Variants in PTPRD observed in about 807,000 individuals in gnomAD.
The protein encoded by PTPRD is protein tyrosine phosphatase receptor type D.
In PTPRD, 34 loss-of-function variants were observed where a neutral mutation model predicts 214.5. The observed-to-expected ratio is 0.16, with a 90% CI of 0.12 to 0.21. PTPRD has a LOEUF of 0.21. Among genes scored for constraint, PTPRD ranks in the 10% least tolerant of loss-of-function variants. The pLI, the probability that PTPRD is intolerant of heterozygous loss-of-function variation, is 1.00. For synonymous variants in PTPRD, 1,128 were observed against 845.7 expected, an observed-to-expected ratio of 1.33 and a Z score of -5.79; for missense variants, 2,545 against 2,398.7, an observed-to-expected ratio of 1.06 and a Z score of -1.27.
chr9:9,492,840 C>A (rs1569568779), intron 8 of PTPRD, among the ~76,000 whole-genome samples: 1 of 150,604 alleles, frequency 6.6e-6, no homozygotes, highest in Non-Finnish European at 1.5e-5. Context: ...GTAATTTTTG[C>A]AATAATTTAA....
chr9:9,838,532 T>C (rs989022779), intron 5 of PTPRD, among the ~76,000 whole-genome samples: 3 of 152,166 alleles, frequency 2.0e-5, no homozygotes, highest in African/African-American at 4.8e-5. Flanking sequence ...ATGGTGAGCA[T>C]TTTTTCATGT....
chr9:9,551,622 A>C (rs1351365396), intron 8 of PTPRD, among the ~76,000 whole-genome samples: 2 of 152,002 alleles, frequency 1.3e-5, no homozygotes, highest in African/African-American at 4.8e-5. Flanking sequence ...TATGGTTCTC[A>C]GTACATCCTT....
chr9:9,186,631 CCTCT>C (rs141616035), intron 9 of PTPRD, among the ~76,000 whole-genome samples: 49,671 of 140,642 alleles, frequency 0.35, 8,618 homozygotes, highest in Middle Eastern at 0.43. Context: ...TCTGTCTCTC[CCTCT>C]CTCTCTCTCT....
chr9:10,024,975 G>A (rs1047782250), intron 4 of PTPRD, among the ~76,000 whole-genome samples: 2 of 151,532 alleles, frequency 1.3e-5, no homozygotes, highest in African/African-American at 4.9e-5. Context: ...ATTTTTTATG[G>A]ATGCATAGTA....
At chr9:8,703,094 G>C (rs1019802827) in intron 12 of PTPRD, among the ~76,000 whole-genome samples, 1 of 152,176 alleles carries the variant, frequency 6.6e-6, no homozygotes, top group Non-Finnish European at 1.5e-5. Context: ...AGAAGAGCTG[G>C]TCAGATACCA....
At chr9:9,131,062 G>C (rs563142045) in intron 10 of PTPRD, among the ~76,000 whole-genome samples, 1 of 152,152 alleles carries the variant, frequency 6.6e-6, no homozygotes, top group African/African-American at 2.4e-5. Context: ...GGATGGAAAA[G>C]TCTGAAAAAA....
chr9:10,201,471 T>C (rs2099421067), intron 3 of PTPRD, among the ~76,000 whole-genome samples: 1 of 152,096 alleles, frequency 6.6e-6, no homozygotes, highest in South Asian at 2.1e-4. Flanking sequence ...TTTTATAATA[T>C]AATGTCATTT....
At chr9:8,499,297 C>G (rs2097344571) in intron 25 of PTPRD, among the ~76,000 whole-genome samples, 1 of 152,144 alleles carries the variant, frequency 6.6e-6, no homozygotes, top group African/African-American at 2.4e-5. Context: ...AAAGTAGACT[C>G]CATCAGCAAA....
At position 9,717,556 on chromosome 9, in the gene PTPRD, A is replaced by G. The variant is rs544704860; in HGVS notation, c.-287+16977T>C. Among the ~76,000 whole-genome samples the G allele has an allele frequency of 2.6e-5, 4 of 152,304 alleles. No homozygotes were observed. In the South Asian group the frequency reaches 8.3e-4, roughly 32 times the overall value. On this transcript the variant is annotated intron_variant, in intron 7 of 45. Coordinates refer to ENST00000381196, the MANE Select transcript of PTPRD (RefSeq NM_002839.4). ...TTACATTACTTTTGTGGTCATTTCA[A>G]CCAGTGTTTAACAAGTTAGTTTTGA...
intron 11 of PTPRD, among the ~76,000 whole-genome samples, chr9:8,884,109 T>A (rs2098467366): frequency 6.6e-6 from 1 of 152,224 alleles, no homozygotes; most frequent in Non-Finnish European, 1.5e-5. Flanking sequence ...TTCGGGAATA[T>A]GAAAGCAGTC....
At chr9:8,983,994 A>C (rs964660716) in intron 11 of PTPRD, among the ~76,000 whole-genome samples, 1 of 152,108 alleles carries the variant, frequency 6.6e-6, no homozygotes, top group African/African-American at 2.4e-5. Flanking sequence ...AACTTCTTAC[A>C]CTGCAAATAT....
chr9:10,612,128 G>A (rs909937617), intron 2 of PTPRD, among the ~76,000 whole-genome samples: 27 of 138,656 alleles, frequency 1.9e-4, no homozygotes, highest in African/African-American at 7.0e-4. Context: ...AATAGCCCTT[G>A]AACAATAAAC....
chr9:9,782,705 G>T (rs1335437145), intron 5 of PTPRD, among the ~76,000 whole-genome samples: 1 of 152,070 alleles, frequency 6.6e-6, no homozygotes, highest in Non-Finnish European at 1.5e-5. Context: ...AAGGTTATGT[G>T]GGACCTTCTT....
At chr9:9,662,936 T>G (rs555525921) in intron 7 of PTPRD, among the ~76,000 whole-genome samples, 1 of 151,714 alleles carries the variant, frequency 6.6e-6, no homozygotes, top group Admixed American at 6.6e-5. Context: ...TTTATGAATC[T>G]GATACAGTTT....
intron 7 of PTPRD, among the ~76,000 whole-genome samples, chr9:9,630,963 G>A (rs2095570821): frequency 6.6e-6 from 1 of 152,088 alleles, no homozygotes; most frequent in South Asian, 2.1e-4. Context: ...AATAATGGAT[G>A]CGAAGTATAT....
chr9:8,628,169 T>A (rs2096113315), intron 14 of PTPRD, among the ~76,000 whole-genome samples: 1 of 151,802 alleles, frequency 6.6e-6, no homozygotes, highest in African/African-American at 2.4e-5. Context: ...CTTTATAACA[T>A]AAACGGCAAA....
chr9:9,663,287 T>G (rs1037500649), intron 7 of PTPRD, among the ~76,000 whole-genome samples: 8 of 151,430 alleles, frequency 5.3e-5, no homozygotes, highest in African/African-American at 1.9e-4. Flanking sequence ...GATTAATATA[T>G]AGAAGTAAAA....
At chr9:8,337,596 C>G (rs564686456) in intron 43 of PTPRD, among the ~76,000 whole-genome samples, 6 of 151,566 alleles carry the variant, frequency 4.0e-5, no homozygotes, top group Non-Finnish European at 8.9e-5. Context: ...AGGACTTACA[C>G]TCCAGGAGCA....
intron 7 of PTPRD, among the ~76,000 whole-genome samples, chr9:9,611,765 A>G (rs1339544961): frequency 1.3e-5 from 2 of 152,122 alleles, no homozygotes; most frequent in African/African-American, 4.8e-5. Context: ...AACAGTAAAA[A>G]TATTAGTGTT....
Sources: gnomAD v4.1 joint callset for allele counts (sites outside exome capture counted in the v4.1 genomes callset) on GRCh38, gnomAD v4.1.1 for gene constraint, MANE v1.5 for transcripts, NCBI Gene and HGNC (gene_info 2026-07-23, HGNC 2026-07-21) for gene names.